The following CCDC85C variants were observed in gnomAD, a reference collection of about 807,000 sequenced individuals.
CCDC85C encodes coiled-coil domain-containing protein 85C.
A neutral mutation model predicts 38.3 loss-of-function variants in CCDC85C; 18 were observed. The observed-to-expected ratio is 0.47, with a 90% CI of 0.33 to 0.70. The LOEUF (loss-of-function observed/expected upper bound fraction) is 0.70, where lower values mean the gene tolerates loss of function less well. Ranked by LOEUF, CCDC85C falls within the 30% of genes least tolerant of loss-of-function variation. CCDC85C has a pLI of 0.03. For synonymous variants in CCDC85C, 264 were observed against 293.8 expected (o/e 0.90, Z 1.04); for missense variants, 566 against 621.2 (o/e 0.91, Z 0.94).
chr14:99,531,324 G>C (rs2139912151), intron 2 of CCDC85C, among the ~76,000 whole-genome samples: 1 of 152,234 alleles, frequency 6.6e-6, no homozygotes, highest in East Asian at 1.9e-4. Context: ...TATCAGCCCA[G>C]CAGGGGAGTT....
rs983511293 is a variant in CCDC85C, at chr14:99,552,174, C to T, written c.794-16086G>A. On this transcript the variant is annotated intron_variant, in intron 1 of 5. Coordinates refer to ENST00000380243, the MANE Select transcript of CCDC85C (RefSeq NM_001144995.2). ...CGGCTAGCCTGCGCCCCAAAAAGCCCCAAGGTTGATCAGGCTGTGAGCCCC... is the reference window on the plus strand; with the variant it reads ...CGGCTAGCCTGCGCCCCAAAAAGCCTCAAGGTTGATCAGGCTGTGAGCCCC... Among the ~76,000 whole-genome samples, 3 of 152,174 alleles carry T rather than the reference C, an allele frequency of 2.0e-5. 1 individual carries two copies. In the East Asian group the frequency reaches 5.8e-4, roughly 29 times the overall value.
chr14:99,521,292 G>C (rs892485641), intron 3 of CCDC85C, among the ~76,000 whole-genome samples: 3 of 152,218 alleles, frequency 2.0e-5, no homozygotes, highest in East Asian at 1.9e-4. Context: ...GCCTGCACAG[G>C]CTCTACAGCT....
intron 1 of CCDC85C, among the ~76,000 whole-genome samples, chr14:99,554,036 G>A (rs563086731): frequency 1.3e-5 from 2 of 152,178 alleles, no homozygotes; most frequent in East Asian, 1.9e-4. Context: ...CAGAGCTGCT[G>A]CAGACCCTCT....
intron 1 of CCDC85C, among the ~76,000 whole-genome samples, chr14:99,582,118 C>T (rs548452058): frequency 5.3e-5 from 8 of 152,238 alleles, no homozygotes; most frequent in African/African-American, 1.2e-4. Context: ...CCAGCGGGGG[C>T]GGGGGGATGC....
At chr14:99,566,762 C>T (rs1281879722) in intron 1 of CCDC85C, among the ~76,000 whole-genome samples, 1 of 152,224 alleles carries the variant, frequency 6.6e-6, no homozygotes, top group African/African-American at 2.4e-5. Context: ...TGGCATGAAC[C>T]ACCCCATCAC....
Position 99,520,098 on chromosome 14 carries a change from G to A in CCDC85C, c.975+2035C>T, listed in dbSNP as rs1427221728. The stretch of plus-strand genomic sequence containing the variant: ...GGGTATGGGCAGCAGTGGGCAGGGA[G>A]GGGGTGTCCACCCCAGAGAGTCACC... On this transcript the variant is annotated intron_variant, in intron 3 of 5. Transcript: ENST00000380243. This position sits in a 1 kb window ranked among gnomAD's most constrained non-coding sequence, Gnocchi z 4.1. Among the ~76,000 whole-genome samples the A allele has an allele frequency of 2.6e-5, 4 of 152,194 alleles. No homozygotes were observed. Among genetic ancestry groups the A allele is most frequent in the Non-Finnish European group, 5.9e-5 (4 of 68,024 alleles).
intron 1 of CCDC85C, among the ~76,000 whole-genome samples, chr14:99,574,749 GGTGGC>G (rs1898435930): frequency 6.6e-6 from 1 of 152,228 alleles, no homozygotes; most frequent in African/African-American, 2.4e-5. Context: ...AGCCGGGTCA[GGTGGC>G]CTGACCACTC....
intron 1 of CCDC85C, among the ~76,000 whole-genome samples, chr14:99,590,688 G>A (rs899453521): frequency 3.3e-5 from 5 of 152,200 alleles, no homozygotes; most frequent in African/African-American, 1.2e-4. Flanking sequence ...TCTGTTTATG[G>A]AGGAAGCAAG....
intron 2 of CCDC85C, among the ~76,000 whole-genome samples, chr14:99,525,392 G>C (rs2139904413): frequency 6.6e-6 from 1 of 152,332 alleles, no homozygotes; most frequent in Middle Eastern, 3.4e-3. Context: ...TGAACAGAAA[G>C]AGGATAAGAC....
intron 2 of CCDC85C, among the ~76,000 whole-genome samples, chr14:99,534,280 G>A (rs1396075479): frequency 2.0e-5 from 3 of 151,916 alleles, no homozygotes; most frequent in Admixed American, 6.6e-5. Flanking sequence ...GCTTGAACCC[G>A]GGAGACAGAG....
rs1896858988 is a variant in CCDC85C at position 99,502,537 on chromosome 14, A to T, written c.*12709T>A. 2 of 1,312,530 alleles carry T rather than the reference A, an allele frequency of 1.5e-6. No individual in the cohort carries two copies. The highest frequency in any genetic ancestry group is 5.4e-5 in the Admixed American group (2 of 36,840). The allele number at this position is 1,312,530 out of a possible 1,614,324, so 81.3% of individuals were successfully genotyped here. A position where few individuals can be genotyped will look rare whatever the true frequency, so the allele number is the denominator to read the frequency against. ...TTATCTAATAGTTTCCACTTTGTCC[A>T]AACACATACTTTTGGTAAACTAAAA... is the stretch of plus-strand genomic sequence containing the variant. On this transcript the variant is annotated 3_prime_UTR_variant, in exon 6 of 6. Coordinates refer to ENST00000380243, the MANE Select transcript of CCDC85C (RefSeq NM_001144995.2).
chr14:99,578,980 G>A (rs534272516), intron 1 of CCDC85C, among the ~76,000 whole-genome samples: 1 of 152,186 alleles, frequency 6.6e-6, no homozygotes, highest in Non-Finnish European at 1.5e-5. Context: ...GGAGGAGGGT[G>A]CTCTCTTACC....
At chr14:99,563,809 C>A (rs1898163884) in intron 1 of CCDC85C, among the ~76,000 whole-genome samples, 1 of 152,226 alleles carries the variant, frequency 6.6e-6, no homozygotes, top group African/African-American at 2.4e-5. Context: ...GGAATAAATT[C>A]ACTGTGCCAT....
Position 99,603,520 on chromosome 14 carries a change from A to T in CCDC85C, c.440T>A (p.Leu147Gln). 1 of 1,359,530 alleles carries T rather than the reference A, an allele frequency of 7.4e-7. No homozygotes were observed. The highest frequency in any genetic ancestry group is 1.8e-5 in the South Asian group (1 of 57,008). The allele number at this position is 1,359,530 out of a possible 1,614,324, so 84.2% of individuals were successfully genotyped here. A position where few individuals can be genotyped will look rare whatever the true frequency, so the allele number is the denominator to read the frequency against. The change falls in exon 1 of 6, where the codon CTG becomes CAG. Residue 147 changes from leucine (L) to glutamine (Q), a missense_variant. Physicochemically the swap from Leu to Gln is moderately radical, Grantham distance 113 (BLOSUM62 -2). Transcript: ENST00000380243. The surrounding 1 kb of genome is among the most constrained non-coding windows in gnomAD (Gnocchi z 7.5). ...GCGCTCCTCGTCCAGCAGCAGCACCAGCTCCTTGAGCTCCAGGTTCTCGCG... is the reference window on the plus strand; with the variant it reads ...GCGCTCCTCGTCCAGCAGCAGCACCTGCTCCTTGAGCTCCAGGTTCTCGCG... ...LLRENLELKE[L>Q]VLLLDEERAA...
In CCDC85C at chr14:99,503,481, A is replaced by G. The variant is rs1352100986; in HGVS notation, c.*11765T>C. On this transcript the variant is annotated 3_prime_UTR_variant, in exon 6 of 6. Coordinates refer to ENST00000380243, the MANE Select transcript of CCDC85C (RefSeq NM_001144995.2). ...GTGGTTTGCCCTGAAAGTTCAGGCT[A>G]GAAATAATTTTTGTCCGAGGCTGTT... 1 of 716,818 alleles carries G rather than the reference A, an allele frequency of 1.4e-6. No homozygotes were observed. Among genetic ancestry groups the G allele is most frequent in the Non-Finnish European group, 2.4e-6 (1 of 420,378 alleles). The allele number at this position is 716,818 out of a possible 1,614,324, so 44.4% of individuals were successfully genotyped here.
At chr14:99,547,976 A>G (rs1897838105) in intron 1 of CCDC85C, among the ~76,000 whole-genome samples, 1 of 152,184 alleles carries the variant, frequency 6.6e-6, no homozygotes, top group African/African-American at 2.4e-5. Context: ...ATTTTAAAAC[A>G]AAGAGAACAT....
chr14:99,511,057 T>C lies in CCDC85C; in HGVS notation c.*4189A>G. 1 of 301,970 alleles carries C rather than the reference T, an allele frequency of 3.3e-6. No homozygotes were observed. The highest frequency in any genetic ancestry group is 6.1e-6 in the Non-Finnish European group (1 of 165,114). 18.7% of individuals were successfully genotyped at this position (301,970 alleles called of 1,614,324 possible). On this transcript the variant is annotated 3_prime_UTR_variant, in exon 6 of 6. Transcript: ENST00000380243. ...GAGAGTCCTGCACTGGGTTACTTTATACTAGTGAGGACGTTAACCAGCCAT... is the reference window on the plus strand; with the variant it reads ...GAGAGTCCTGCACTGGGTTACTTTACACTAGTGAGGACGTTAACCAGCCAT...
chr14:99,587,652 C>A (rs892980684), intron 1 of CCDC85C, among the ~76,000 whole-genome samples: 2 of 152,152 alleles, frequency 1.3e-5, no homozygotes, highest in African/African-American at 4.8e-5. Context: ...ATGGGCCTGG[C>A]GTGGGGGAGA....
At chr14:99,532,772 T>TCTA (rs1362438192) in intron 2 of CCDC85C, among the ~76,000 whole-genome samples, 37 of 127,412 alleles carry the variant, frequency 2.9e-4, no homozygotes, top group African/African-American at 1.0e-3. Context: ...TGGTTCTTCT[T>TCTA]CTTCTTCTTC....
Sources: allele counts gnomAD v4.1 joint callset (sites outside exome capture counted in the v4.1 genomes callset), GRCh38; gene constraint gnomAD v4.1.1; non-coding constraint Gnocchi (gnomAD v3.1); transcripts MANE v1.5; gene names NCBI Gene and HGNC (gene_info 2026-07-23, HGNC 2026-07-21).